The following GABBR2 variants were observed in gnomAD, a reference collection of about 807,000 sequenced individuals.
The protein encoded by GABBR2 is gamma-aminobutyric acid type B receptor subunit 2, also known as G-protein coupled receptor 51.
A neutral mutation model predicts 105.6 loss-of-function variants in GABBR2; 23 were observed. The observed-to-expected ratio is 0.22, with a 90% CI of 0.16 to 0.31. The LOEUF is 0.31. GABBR2 is among the 10% of genes least tolerant of loss of function. The pLI is 1.00. For missense variants in GABBR2, 734 were observed against 1,245.5 expected (o/e 0.59, Z 6.18); for synonymous variants, 478 against 499.7 (o/e 0.96, Z 0.58).
intron 12 of GABBR2, among the ~76,000 whole-genome samples, chr9:98,367,188 T>C (rs996844611): frequency 4.0e-5 from 6 of 148,518 alleles, no homozygotes; most frequent in Non-Finnish European, 7.4e-5. Flanking sequence ...CCATCATGGA[T>C]GAGGGAGGAG....
intron 17 of GABBR2, among the ~76,000 whole-genome samples, chr9:98,295,107 G>A (rs571264882): frequency 3.3e-5 from 5 of 152,076 alleles, no homozygotes; most frequent in Admixed American, 6.6e-5. Flanking sequence ...TTGTATTTGC[G>A]AACTCTTCTT....
intron 1 of GABBR2, among the ~76,000 whole-genome samples, chr9:98,601,275 G>A (rs1040618532): frequency 5.3e-5 from 8 of 152,180 alleles, no homozygotes; most frequent in African/African-American, 1.9e-4. Flanking sequence ...CCAACACTTC[G>A]GGAGGCCAAA....
intron 2 of GABBR2, among the ~76,000 whole-genome samples, chr9:98,561,660 C>T (rs78851847): frequency 0.01 from 1,582 of 152,202 alleles, 18 homozygotes; most frequent in Non-Finnish European, 0.017. Flanking sequence ...AGGCAGGAGG[C>T]TCGATTGAGC....
intron 9 of GABBR2, among the ~76,000 whole-genome samples, chr9:98,393,065 T>TCCAA (rs1832216768): frequency 7.9e-6 from 1 of 126,710 alleles, no homozygotes; most frequent in African/African-American, 2.8e-5. Context: ...CATCCATCCA[T>TCCAA]CCATCCACAC....
chr9:98,358,664 G>A (rs894475825), intron 13 of GABBR2, among the ~76,000 whole-genome samples: 1 of 152,208 alleles, frequency 6.6e-6, no homozygotes, highest in African/African-American at 2.4e-5. Context: ...AGGTGAGAGT[G>A]AGGCTGGAAT....
intron 7 of GABBR2, among the ~76,000 whole-genome samples, chr9:98,406,537 C>G (rs989962885): frequency 6.6e-6 from 1 of 152,246 alleles, no homozygotes; most frequent in Admixed American, 6.5e-5. Context: ...TGTGCCCCAC[C>G]CATAAAGATA....
intron 2 of GABBR2, among the ~76,000 whole-genome samples, chr9:98,572,357 G>C (rs1207667043): frequency 6.6e-6 from 1 of 152,168 alleles, no homozygotes; most frequent in Non-Finnish European, 1.5e-5. Context: ...CTATTTTTGT[G>C]ACACAAGGAA....
At chr9:98,318,547 G>A (rs1356484631) in intron 13 of GABBR2, among the ~76,000 whole-genome samples, 1 of 152,188 alleles carries the variant, frequency 6.6e-6, no homozygotes, top group Non-Finnish European at 1.5e-5. Context: ...GGCCCAGGCA[G>A]GGAGGATGGG....
At chr9:98,299,764 T>C (rs1348701398) in intron 16 of GABBR2, among the ~76,000 whole-genome samples, 1 of 152,166 alleles carries the variant, frequency 6.6e-6, no homozygotes, top group Non-Finnish European at 1.5e-5. Flanking sequence ...AATGGGGTAA[T>C]AATAGTACCT....
intron 4 of GABBR2, among the ~76,000 whole-genome samples, chr9:98,484,503 C>T (rs531479189): frequency 3.9e-5 from 6 of 152,140 alleles, no homozygotes; most frequent in East Asian, 1.9e-4. Flanking sequence ...GGGGGAAAGA[C>T]GCTGCCAAGT....
At position 98,463,430 on chromosome 9, in the gene GABBR2, GA is replaced by G. The variant is rs1826461217; in HGVS notation, c.1000-9214del. Among the ~76,000 whole-genome samples the G allele has an allele frequency of 1.3e-5, 2 of 152,164 alleles. 1 individual carries two copies. Among genetic ancestry groups the G allele is most frequent in the South Asian group, 4.1e-4 (2 of 4,834 alleles). On this transcript the variant is annotated intron_variant, in intron 6 of 18. Coordinates refer to ENST00000259455, the MANE Select transcript of GABBR2 (RefSeq NM_005458.8). ...AAAAATGTATATAGAAATGCAAAGA[GA>G]CAAGAATAGCCAAGACAGTTTTGAC...
chr9:98,449,794 G>A (rs1037735417), intron 7 of GABBR2, among the ~76,000 whole-genome samples: 1 of 152,112 alleles, frequency 6.6e-6, no homozygotes, highest in African/African-American at 2.4e-5. Flanking sequence ...ATGGAGGAGG[G>A]GAAGCATCCT....
rs781387764 is a variant in GABBR2, at chr9:98,394,140, C to G, written c.1378+35G>C. On this transcript the variant is annotated intron_variant, in intron 9 of 18. Coordinates refer to ENST00000259455, the MANE Select transcript of GABBR2 (RefSeq NM_005458.8). ...ATGTCCAGGCTTGGGAGCAACTGGG[C>G]AGGCCCCCTCCTCTGAGAAGCCCAC... The G allele has an allele frequency of 3.0e-5, 44 of 1,465,334 alleles. 1 individual carries two copies. Among genetic ancestry groups the G allele is most frequent in the Non-Finnish European group, 3.3e-5 (34 of 1,045,206 alleles). The allele number at this position is 1,465,334 out of a possible 1,614,324, so 90.8% of individuals were successfully genotyped here.
At position 98,705,774 on chromosome 9, in the gene GABBR2, G is replaced by A. The variant is rs116975482; in HGVS notation, c.321+2643C>T. 9.0e-3 allele frequency among the ~76,000 whole-genome samples: 1,377 copies of A among 152,246 alleles called. 10 individuals are homozygous for A. Among genetic ancestry groups the A allele is most frequent in the Non-Finnish European group, 0.015 (994 of 68,010 alleles). Reference sequence around the variant, plus strand: ...GATAAGGCCACTTGTGAATTCACAGGAAATAAAAATGAAGGAAGGGAGCTG... The same window carrying A: ...GATAAGGCCACTTGTGAATTCACAGAAAATAAAAATGAAGGAAGGGAGCTG... On this transcript the variant is annotated intron_variant, in intron 1 of 18. Transcript: ENST00000259455.
intron 18 of GABBR2, among the ~76,000 whole-genome samples, chr9:98,291,484 C>A (rs989569079): frequency 1.3e-5 from 2 of 152,194 alleles, no homozygotes; most frequent in Non-Finnish European, 2.9e-5. Context: ...CTCCCGTCTG[C>A]CTCTGCTTTG....
At chr9:98,634,735 T>A (rs74933679) in intron 1 of GABBR2, among the ~76,000 whole-genome samples, 2 of 152,106 alleles carry the variant, frequency 1.3e-5, no homozygotes, top group African/African-American at 4.8e-5. Context: ...TGGGAAATGA[T>A]AGACTATACT....
chr9:98,452,346 A>G (rs1452626364), intron 7 of GABBR2, among the ~76,000 whole-genome samples: 1 of 152,216 alleles, frequency 6.6e-6, no homozygotes, highest in Admixed American at 6.5e-5. Flanking sequence ...TGAATTTTCC[A>G]TATTTTCTGG....
At chr9:98,304,421 G>C (rs1830518007) in intron 15 of GABBR2, 2 of 152,416 alleles carry the variant, frequency 1.3e-5, no homozygotes, top group Admixed American at 6.5e-5. Flanking sequence ...AGGACAATGG[G>C]GAGCTATTGG....
intron 1 of GABBR2, among the ~76,000 whole-genome samples, chr9:98,585,567 A>C (rs1375286122): frequency 6.6e-6 from 1 of 151,730 alleles, no homozygotes; most frequent in Non-Finnish European, 1.5e-5. Context: ...GGTGCAGCAC[A>C]CCAACATGGC....
Sources: allele counts gnomAD v4.1 joint callset (sites outside exome capture counted in the v4.1 genomes callset), GRCh38; gene constraint gnomAD v4.1.1; transcripts MANE v1.5; gene names NCBI Gene and HGNC (gene_info 2026-07-23, HGNC 2026-07-21).